The following ZPBP variants were observed in gnomAD, a reference collection of about 807,000 sequenced individuals.
ZPBP encodes the protein zona pellucida binding protein.
A neutral mutation model predicts 44.8 loss-of-function variants in ZPBP; 26 were observed. That is an observed-to-expected ratio of 0.58 (90% CI 0.43 to 0.81). ZPBP has a LOEUF of 0.81. Ranked by LOEUF, ZPBP falls within the 30% of genes least tolerant of loss-of-function variation. ZPBP has a pLI of 0.00. For synonymous variants in ZPBP, 174 were observed against 153.2 expected (o/e 1.14, Z -1.00); for missense variants, 409 against 434.0 (o/e 0.94, Z 0.51).
intron 3 of ZPBP, 38 bp from the exon 4 acceptor site, chr7:50,058,179 A>G (rs1364751402): frequency 6.2e-7 from 1 of 1,607,806 alleles, no homozygotes; most frequent in Non-Finnish European, 8.5e-7. Context: ...TGCTTAAATT[A>G]CATGAGACAA....
chr7:49,864,018 T>C (rs1790780175), intron 2 of ZPBP, among the ~76,000 whole-genome samples: 1 of 152,202 alleles, frequency 6.6e-6, no homozygotes, highest in Non-Finnish European at 1.5e-5. Flanking sequence ...ATATTGTTTA[T>C]TATAGTGTGG....
At chr7:49,929,922 T>C (rs973597874) in intron 1 of ZPBP, among the ~76,000 whole-genome samples, 1 of 152,206 alleles carries the variant, frequency 6.6e-6, no homozygotes, top group East Asian at 1.9e-4. Context: ...CAACACTCAT[T>C]CAAAGTCCTT....
chr7:49,929,739 C>T (rs1217285945), intron 1 of ZPBP, among the ~76,000 whole-genome samples: 4 of 152,184 alleles, frequency 2.6e-5, no homozygotes, highest in African/African-American at 9.7e-5. Flanking sequence ...TATATATCAT[C>T]CGTGACTCAA....
At chr7:50,037,363 C>G (rs143478822) in intron 4 of ZPBP, among the ~76,000 whole-genome samples, 44 of 152,282 alleles carry the variant, frequency 2.9e-4, no homozygotes, top group African/African-American at 1.1e-3. Flanking sequence ...GTGTAATAGT[C>G]CGTTCTCACA....
At chr7:49,849,814 A>AG (rs55893231), downstream of ZPBP, among the ~76,000 whole-genome samples, 4,735 of 152,340 alleles carry the variant, frequency 0.031, 111 homozygotes, top group South Asian at 0.071. Context: ...GTCTTGGGGT[A>AG]GAATCACTTC....
At chr7:49,849,713 C>T (rs139972690), downstream of ZPBP, among the ~76,000 whole-genome samples, 1 of 152,318 alleles carries the variant, frequency 6.6e-6, no homozygotes, top group East Asian at 1.9e-4. Context: ...TTGTGGATGT[C>T]AGCAGAAGCC....
chr7:49,960,386 A>G (rs1268156616), intron 7 of ZPBP, among the ~76,000 whole-genome samples: 1 of 152,136 alleles, frequency 6.6e-6, no homozygotes, highest in African/African-American at 2.4e-5. Flanking sequence ...ACTGCACTCC[A>G]GCCTGGGCAG....
At chr7:49,971,796 A>G (rs1379159733) in intron 7 of ZPBP, among the ~76,000 whole-genome samples, 2 of 152,162 alleles carry the variant, frequency 1.3e-5, no homozygotes, top group Non-Finnish European at 2.9e-5. Flanking sequence ...AAGACATTAC[A>G]AGAAAACTAC....
At chr7:50,000,609 T>C (rs1473306426) in intron 6 of ZPBP, among the ~76,000 whole-genome samples, 4 of 152,186 alleles carry the variant, frequency 2.6e-5, no homozygotes, top group East Asian at 1.9e-4. Flanking sequence ...AACTTCTTTA[T>C]ACCCATCTCA....
intron 2 of ZPBP, among the ~76,000 whole-genome samples, chr7:49,868,738 C>T (rs983601693): frequency 1.3e-5 from 2 of 152,188 alleles, no homozygotes; most frequent in Non-Finnish European, 2.9e-5. Context: ...CTGCCTCAGC[C>T]TCCCAAGTAG....
intron 4 of ZPBP, among the ~76,000 whole-genome samples, chr7:50,052,857 G>A (rs529598189): frequency 6.6e-6 from 1 of 152,292 alleles, no homozygotes; most frequent in Non-Finnish European, 1.5e-5. Flanking sequence ...ATGTACTATA[G>A]CACTGTATTT....
intron 1 of ZPBP, among the ~76,000 whole-genome samples, chr7:49,927,906 T>C (rs1794303900): frequency 6.6e-6 from 1 of 152,186 alleles, no homozygotes; most frequent in Admixed American, 6.5e-5. Context: ...AGAAATACTG[T>C]AGTCAGGGAA....
intron 6 of ZPBP, among the ~76,000 whole-genome samples, chr7:49,997,837 C>T (rs1267254090): frequency 1.3e-5 from 2 of 152,196 alleles, no homozygotes; most frequent in Non-Finnish European, 2.9e-5. Context: ...TTTTCAATTT[C>T]ATCAGTGGCT....
Position 50,019,761 on chromosome 7 carries a change from A to G in ZPBP, c.707-1445T>C, listed in dbSNP as rs529691338. 3.3e-5 allele frequency among the ~76,000 whole-genome samples: 5 copies of G among 152,222 alleles called. No homozygotes were observed. The East Asian group carries it at 9.6e-4, about 29-fold the overall frequency. On this transcript the variant is annotated intron_variant, in intron 5 of 7. Transcript: ENST00000046087. ...CTGAGTTGATATTATGAGGTACTAT[A>G]CAATATTATAGACAAGACAACAAAA... is the stretch of plus-strand genomic sequence containing the variant.
intron 2 of ZPBP, among the ~76,000 whole-genome samples, chr7:50,082,251 C>G (rs1325689948): frequency 6.6e-6 from 1 of 151,748 alleles, no homozygotes; most frequent in Non-Finnish European, 1.5e-5. Flanking sequence ...TACACTTTAT[C>G]TGTTTTGTAA....
At chr7:50,020,245 G>A (rs1458641749) in intron 5 of ZPBP, among the ~76,000 whole-genome samples, 1 of 151,998 alleles carries the variant, frequency 6.6e-6, no homozygotes, top group Non-Finnish European at 1.5e-5. Flanking sequence ...TCACGATAAT[G>A]TAAAATTTTC....
intron 7 of ZPBP, among the ~76,000 whole-genome samples, chr7:49,977,659 T>C (rs1171925626): frequency 1.3e-5 from 2 of 152,174 alleles, no homozygotes; most frequent in Non-Finnish European, 2.9e-5. Context: ...GCAATAGCTA[T>C]TCTTTTTTTA....
At chr7:49,982,467 A>T (rs114656639) in intron 7 of ZPBP, among the ~76,000 whole-genome samples, 2,918 of 147,924 alleles carry the variant, frequency 0.02, 77 homozygotes, top group African/African-American at 0.066. Context: ...ATTCCTGTGT[A>T]CTATATTTTT....
At chr7:49,945,337 TC>T (rs1795061165) in intron 7 of ZPBP, among the ~76,000 whole-genome samples, 2 of 152,166 alleles carry the variant, frequency 1.3e-5, no homozygotes, top group African/African-American at 4.8e-5. Context: ...GATGAAATGT[TC>T]TGTGAATATG....
Sources: gnomAD v4.1 joint callset for allele counts (sites outside exome capture counted in the v4.1 genomes callset) on GRCh38, gnomAD v4.1.1 for gene constraint, MANE v1.5 for transcripts, NCBI Gene and HGNC (gene_info 2026-07-23, HGNC 2026-07-21) for gene names.